CCSER1: variants seen among roughly 807,000 people sequenced by gnomAD.
CCSER1 encodes the protein serine-rich coiled-coil domain-containing protein 1.
CCSER1 carries 41 observed loss-of-function variants against 82.0 expected under a neutral mutation model. That is an observed-to-expected ratio of 0.50 (90% CI 0.39 to 0.65). The LOEUF is 0.65. Ranked by LOEUF, CCSER1 falls within the 30% of genes least tolerant of loss-of-function variation. The probability of loss-of-function intolerance (pLI) is 0.00; values close to 1 mark genes in which losing one functional copy is unlikely to be tolerated. For missense variants in CCSER1, 1,119 were observed against 1,064.2 expected (o/e 1.05, Z -0.72); for synonymous variants, 414 against 383.9 (o/e 1.08, Z -0.92).
chr4:90,859,218 C>T (rs1197736298), intron 8 of CCSER1, among the ~76,000 whole-genome samples: 5 of 151,844 alleles, frequency 3.3e-5, no homozygotes, highest in African/African-American at 1.2e-4. Context: ...CCCTGAATCT[C>T]ATCTGTCATG....
At chr4:91,096,293 G>A (rs547967724) in intron 10 of CCSER1, among the ~76,000 whole-genome samples, 1 of 152,272 alleles carries the variant, frequency 6.6e-6, no homozygotes, top group African/African-American at 2.4e-5. Flanking sequence ...GGGCTCAGGA[G>A]TAGGGGGCCT....
intron 8 of CCSER1, among the ~76,000 whole-genome samples, chr4:90,867,382 A>G (rs1231782334): frequency 6.6e-6 from 1 of 152,108 alleles, no homozygotes; most frequent in East Asian, 1.9e-4. Context: ...ATAGAGAAAC[A>G]TGCTTACAGT....
intron 7 of CCSER1, among the ~76,000 whole-genome samples, chr4:90,805,038 T>G (rs1191256481): frequency 6.6e-6 from 1 of 151,918 alleles, no homozygotes. Context: ...ACTGTATGCA[T>G]TTTTACACAA....
chr4:90,950,946 T>A (rs1192764852), intron 9 of CCSER1, among the ~76,000 whole-genome samples: 1 of 152,156 alleles, frequency 6.6e-6, no homozygotes, highest in Non-Finnish European at 1.5e-5. Flanking sequence ...CTTTTATCAT[T>A]GATTTTCACT....
chr4:90,973,554 G>T (rs2150404343), intron 9 of CCSER1, among the ~76,000 whole-genome samples: 1 of 151,792 alleles, frequency 6.6e-6, no homozygotes, highest in African/African-American at 2.4e-5. Flanking sequence ...CCCTTGTACA[G>T]TTGGTGGGAA....
chr4:90,994,404 A>G (rs1451713353), intron 9 of CCSER1, among the ~76,000 whole-genome samples: 1 of 152,068 alleles, frequency 6.6e-6, no homozygotes, highest in Non-Finnish European at 1.5e-5. Context: ...ATACTGTACC[A>G]AAAGTGAAAA....
chr4:91,354,145 C>T (rs1356137867), intron 10 of CCSER1, among the ~76,000 whole-genome samples: 1 of 152,126 alleles, frequency 6.6e-6, no homozygotes, highest in Non-Finnish European at 1.5e-5. Context: ...AGCTTGTAAC[C>T]GTATGATTCA....
chr4:90,203,841 T>C (rs1424163798), intron 1 of CCSER1, among the ~76,000 whole-genome samples: 1 of 152,294 alleles, frequency 6.6e-6, no homozygotes, highest in African/African-American at 2.4e-5. Flanking sequence ...CTCCACATCA[T>C]CTCCAGCATC....
At chr4:90,506,972 C>T (rs149392990) in intron 5 of CCSER1, among the ~76,000 whole-genome samples, 2 of 152,230 alleles carry the variant, frequency 1.3e-5, no homozygotes, top group Middle Eastern at 3.4e-3. Flanking sequence ...GACGCACTCT[C>T]GTTTCAGTTC....
At chr4:90,204,600 G>GT (rs1738426385) in intron 1 of CCSER1, among the ~76,000 whole-genome samples, 1 of 152,192 alleles carries the variant, frequency 6.6e-6, no homozygotes, top group Non-Finnish European at 1.5e-5. Context: ...CTGTAGCCTT[G>GT]TAGTATAGTT....
chr4:91,559,033 T>C (rs1578787607), intron 10 of CCSER1, among the ~76,000 whole-genome samples: 1 of 151,554 alleles, frequency 6.6e-6, no homozygotes, highest in African/African-American at 2.4e-5. Context: ...CAACTCCACA[T>C]TGCTTCCTTT....
chr4:91,593,284 TTTAA>T (rs1046325747), intron 10 of CCSER1, among the ~76,000 whole-genome samples: 13 of 152,298 alleles, frequency 8.5e-5, no homozygotes, highest in African/African-American at 1.7e-4. Context: ...TTTGCCTTTC[TTTAA>T]TTGAGTTATA....
At chr4:91,399,914 TC>T (rs1424483820) in intron 10 of CCSER1, among the ~76,000 whole-genome samples, 1 of 152,010 alleles carries the variant, frequency 6.6e-6, no homozygotes, top group African/African-American at 2.4e-5. Context: ...TTCATCACTT[TC>T]CTATTTTTAT....
intron 3 of CCSER1, among the ~76,000 whole-genome samples, chr4:90,341,086 A>G (rs571305138): frequency 1.3e-5 from 2 of 152,118 alleles, no homozygotes; most frequent in Non-Finnish European, 2.9e-5. Context: ...TTATAAATAG[A>G]AAATAATTTT....
intron 5 of CCSER1, among the ~76,000 whole-genome samples, chr4:90,542,361 G>A (rs778288273): frequency 1.3e-5 from 2 of 152,046 alleles, no homozygotes; most frequent in Admixed American, 6.6e-5. Flanking sequence ...TGGAGTTTTC[G>A]CTCAGCAGGA....
intron 10 of CCSER1, among the ~76,000 whole-genome samples, chr4:91,397,375 C>A (rs560851281): frequency 6.6e-6 from 1 of 151,960 alleles, no homozygotes; most frequent in South Asian, 2.1e-4. Flanking sequence ...CCTAACATAG[C>A]CTTTATGCTG....
chr4:91,331,696 G>T (rs41393746), intron 10 of CCSER1, among the ~76,000 whole-genome samples: 9,623 of 152,070 alleles, frequency 0.063, 398 homozygotes, highest in South Asian at 0.11. Context: ...CGTTGATTTT[G>T]CACATTTAAA....
intron 10 of CCSER1, among the ~76,000 whole-genome samples, chr4:91,371,609 A>G (rs554532501): frequency 2.6e-5 from 4 of 152,258 alleles, no homozygotes; most frequent in Non-Finnish European, 5.9e-5. Context: ...CCAAATCTTA[A>G]CTACTGTGGA....
chr4:90,542,055 G>T (rs910046268), intron 5 of CCSER1, among the ~76,000 whole-genome samples: 2 of 151,854 alleles, frequency 1.3e-5, no homozygotes, highest in Admixed American at 1.3e-4. Flanking sequence ...AATTTGCTTA[G>T]TAATAGTCAT....
Sources: gnomAD v4.1 joint callset for allele counts (sites outside exome capture counted in the v4.1 genomes callset) on GRCh38, gnomAD v4.1.1 for gene constraint, MANE v1.5 for transcripts, NCBI Gene and HGNC (gene_info 2026-07-23, HGNC 2026-07-21) for gene names.